RBKS: variants seen among roughly 807,000 people sequenced by gnomAD.
RBKS encodes the protein ribokinase.
A neutral mutation model predicts 33.9 loss-of-function variants in RBKS; 33 were observed. The observed-to-expected ratio is 0.97, with a 90% CI of 0.74 to 1.30. The LOEUF (loss-of-function observed/expected upper bound fraction) is 1.30. Ranked by LOEUF, RBKS falls within the 50% of genes most tolerant of loss-of-function variation. RBKS has a pLI of 0.00. For missense variants in RBKS, 361 were observed against 392.6 expected (o/e 0.92, Z 0.68); for synonymous variants, 125 against 143.0 (o/e 0.87, Z 0.90).
At chr2:27,786,161 T>C (rs1443751293) in intron 7 of RBKS, among the ~76,000 whole-genome samples, 1 of 152,196 alleles carries the variant, frequency 6.6e-6, no homozygotes, top group Non-Finnish European at 1.5e-5. Flanking sequence ...TTTTAAAGAA[T>C]ATAGAGAAAA....
intron 5 of RBKS, among the ~76,000 whole-genome samples, chr2:27,835,082 C>T (rs1260044962): frequency 6.6e-6 from 1 of 151,884 alleles, no homozygotes; most frequent in Non-Finnish European, 1.5e-5. Flanking sequence ...TTGAGACCAG[C>T]CTGACCAACA....
chr2:27,822,294 T>C (rs968082116), intron 7 of RBKS, among the ~76,000 whole-genome samples: 1 of 152,150 alleles, frequency 6.6e-6, no homozygotes, highest in Non-Finnish European at 1.5e-5. Flanking sequence ...TTTTGCAATA[T>C]TAGTTTGACT....
chr2:27,882,890 C>T (rs1429320972), intron 1 of RBKS, among the ~76,000 whole-genome samples: 1 of 152,004 alleles, frequency 6.6e-6, no homozygotes, highest in Non-Finnish European at 1.5e-5. Flanking sequence ...AACACCTGGA[C>T]ACACAGAAGT....
chr2:27,807,376 G>A (rs1325030923), intron 7 of RBKS, among the ~76,000 whole-genome samples: 1 of 152,142 alleles, frequency 6.6e-6, no homozygotes, highest in Non-Finnish European at 1.5e-5. Context: ...TGGCATGGCA[G>A]AGGTCTTTTT....
At chr2:27,787,412 G>C (rs748776638) in intron 7 of RBKS, among the ~76,000 whole-genome samples, 1 of 152,110 alleles carries the variant, frequency 6.6e-6, no homozygotes. Context: ...CAGCCTGGGC[G>C]AAAGAGTGAG....
At chr2:27,827,135 T>C (rs1430902359) in intron 7 of RBKS, among the ~76,000 whole-genome samples, 1 of 152,254 alleles carries the variant, frequency 6.6e-6, no homozygotes, top group Non-Finnish European at 1.5e-5. Context: ...CTGGAGAAGC[T>C]TGTAAGACAC....
chr2:27,788,465 G>A (rs967760681), intron 7 of RBKS, among the ~76,000 whole-genome samples: 5 of 152,150 alleles, frequency 3.3e-5, no homozygotes, highest in Non-Finnish European at 5.9e-5. Context: ...CAGCACTTTC[G>A]GAGGCCGAGA....
chr2:27,801,971 T>A lies in RBKS; in HGVS notation c.796-20183A>T, dbSNP rs1277789727. 1.8e-3 allele frequency among the ~76,000 whole-genome samples: 159 copies of A among 86,528 alleles called. 1 individual carries two copies. The highest frequency in any genetic ancestry group is 4.1e-3 in the African/African-American group (80 of 19,484). The allele number at this position is 86,528 out of a possible 152,430, so 56.8% of individuals were successfully genotyped here. ...TGGGGAAAAAAAAAAAAAATATATATATATATATATATATATATATATTTT... is the reference window on the plus strand; with the variant it reads ...TGGGGAAAAAAAAAAAAAATATATAAATATATATATATATATATATATTTT... On this transcript the variant is annotated intron_variant, in intron 7 of 7. Coordinates refer to ENST00000302188, the MANE Select transcript of RBKS (RefSeq NM_022128.3).
At chr2:27,840,176 T>C (rs947106159) in intron 5 of RBKS, among the ~76,000 whole-genome samples, 1 of 151,638 alleles carries the variant, frequency 6.6e-6, no homozygotes, top group Non-Finnish European at 1.5e-5. Flanking sequence ...CCCACCACCA[T>C]GCCCGGCTAA....
chr2:27,795,490 T>G lies in RBKS; in HGVS notation c.796-13702A>C, dbSNP rs910826268. On this transcript the variant is annotated intron_variant, in intron 7 of 7. Transcript: ENST00000302188. The surrounding 1 kb of genome is among the most constrained non-coding windows in gnomAD (Gnocchi z 4.1). ...TGGAAGGGTAAGGAAGAGAGTGAAC[T>G]TTTACTGTTTGCTCCTCATCAAGAG... 4.6e-5 allele frequency among the ~76,000 whole-genome samples: 7 copies of G among 152,148 alleles called. No individual in the cohort carries two copies. The highest frequency in any genetic ancestry group is 8.8e-5 in the Non-Finnish European group (6 of 68,024).
chr2:27,826,359 C>T (rs1366234233), intron 7 of RBKS, among the ~76,000 whole-genome samples: 2 of 151,900 alleles, frequency 1.3e-5, no homozygotes, highest in Non-Finnish European at 2.9e-5. Flanking sequence ...TATTCTTCCT[C>T]AAGTCTAGTT....
chr2:27,887,044 G>C (rs1355111277), intron 1 of RBKS, among the ~76,000 whole-genome samples: 2 of 152,206 alleles, frequency 1.3e-5, no homozygotes, highest in Non-Finnish European at 2.9e-5. Flanking sequence ...TGAATATGTT[G>C]TTACGTGGCA....
intron 7 of RBKS, among the ~76,000 whole-genome samples, chr2:27,800,869 A>G (rs1412275797): frequency 6.6e-6 from 1 of 152,164 alleles, no homozygotes; most frequent in Non-Finnish European, 1.5e-5. Context: ...CATGGTCAAC[A>G]TTGTGTGCTG....
At chr2:27,849,681 G>T (rs1663699713) in intron 2 of RBKS, among the ~76,000 whole-genome samples, 1 of 149,496 alleles carries the variant, frequency 6.7e-6, no homozygotes, top group South Asian at 2.1e-4. Context: ...AAGTAGCTTT[G>T]TCTGTGACTG....
intron 4 of RBKS, among the ~76,000 whole-genome samples, chr2:27,846,345 G>A (rs1663619642): frequency 6.6e-6 from 1 of 152,038 alleles, no homozygotes; most frequent in African/African-American, 2.4e-5. Context: ...ACTCTGTCAC[G>A]CAGGCTGAAG....
intron 1 of RBKS, among the ~76,000 whole-genome samples, chr2:27,888,266 C>T (rs889876426): frequency 6.6e-6 from 1 of 151,924 alleles, no homozygotes; most frequent in Non-Finnish European, 1.5e-5. Flanking sequence ...TAGCTGGAAT[C>T]ACAGGCGCCA....
intron 7 of RBKS, among the ~76,000 whole-genome samples, chr2:27,784,006 C>T (rs1166739434): frequency 4.3e-5 from 2 of 46,744 alleles, no homozygotes; most frequent in African/African-American, 8.9e-5. Flanking sequence ...TTTTTTGAGA[C>T]GGAGTCTCGC....
At chr2:27,786,932 GCAA>G (rs1677416743) in intron 7 of RBKS, among the ~76,000 whole-genome samples, 1 of 152,218 alleles carries the variant, frequency 6.6e-6, no homozygotes, top group Non-Finnish European at 1.5e-5. Flanking sequence ...TATTTAGGCA[GCAA>G]CGATTCTCAC....
chr2:27,839,182 T>C (rs908671360), intron 5 of RBKS, among the ~76,000 whole-genome samples: 9 of 152,200 alleles, frequency 5.9e-5, no homozygotes, highest in African/African-American at 2.2e-4. Flanking sequence ...CTGGACAATG[T>C]CATTGTGAAA....
Sources: gnomAD v4.1 joint callset for allele counts (sites outside exome capture counted in the v4.1 genomes callset) on GRCh38, gnomAD v4.1.1 for gene constraint, Gnocchi (gnomAD v3.1) non-coding constraint, MANE v1.5 for transcripts, NCBI Gene and HGNC (gene_info 2026-07-23, HGNC 2026-07-21) for gene names.